DAAM2: variants seen among roughly 807,000 people sequenced by gnomAD.
DAAM2 encodes the protein disheveled-associated activator of morphogenesis 2.
A neutral mutation model predicts 120.7 loss-of-function variants in DAAM2; 39 were observed. That is an observed-to-expected ratio of 0.32 (90% CI 0.25 to 0.42). DAAM2 has a LOEUF of 0.42. DAAM2 is among the 10% of genes least tolerant of loss of function. The pLI is 1.00. For missense variants in DAAM2, 1,283 were observed against 1,401.7 expected, an observed-to-expected ratio of 0.92 and a Z score of 1.35; for synonymous variants, 488 against 524.9, an observed-to-expected ratio of 0.93 and a Z score of 0.96.
chr6:39,812,420 A>T (rs1762190147), intron 1 of DAAM2, among the ~76,000 whole-genome samples: 1 of 152,170 alleles, frequency 6.6e-6, no homozygotes, highest in Non-Finnish European at 1.5e-5. Context: ...TTGCACATCT[A>T]GTTTGTGGCA....
chr6:39,856,315 A>G lies in DAAM2; in HGVS notation c.13A>G (p.Lys5Glu). The change falls in exon 2 of 25, where the codon AAG (lysine) becomes GAG (glutamate). Residue 5 changes from lysine to glutamate, a missense_variant. Physicochemically the swap from Lys to Glu is moderately conservative, Grantham distance 56 (BLOSUM62 1). Transcript: ENST00000274867. ...GCCTGCAGTGACCATGGCCCCCCGC[A>G]AGAGGAGCCACCATGGCCTGGGCTT... MAPR[K>E]RSHHGLGFLC... 1 of 1,540,038 alleles carries G rather than the reference A, an allele frequency of 6.5e-7. No individual in the cohort carries two copies. The highest frequency in any genetic ancestry group is 8.7e-7 in the Non-Finnish European group (1 of 1,143,494).
chr6:39,852,295 A>G (rs1274930526), intron 1 of DAAM2, among the ~76,000 whole-genome samples: 1 of 152,106 alleles, frequency 6.6e-6, no homozygotes, highest in Non-Finnish European at 1.5e-5. Flanking sequence ...TCTTCTAAAG[A>G]GGTTTTGCAG....
intron 1 of DAAM2, among the ~76,000 whole-genome samples, chr6:39,814,191 T>TCTTTC (rs113547707): frequency 1.3e-5 from 2 of 150,432 alleles, no homozygotes; most frequent in South Asian, 2.1e-4. Context: ...TTTCTTTCTT[T>TCTTTC]TTTTTTTTTT....
In DAAM2 at chr6:39,901,805, G is replaced by A. The variant is rs138611904; in HGVS notation, c.2983-8G>A. ...AGAGGGTTCCTATCTTTGGCCCCCC[G>A]CCCGCAGCTGAAGGAGCAGAGGGAA... On this transcript the variant is annotated splice_polypyrimidine_tract_variant and splice_region_variant and intron_variant, in intron 24 of 24. Transcript: ENST00000274867. This position sits in a 1 kb window ranked among gnomAD's most constrained non-coding sequence, Gnocchi z 4.5. 411 of 1,520,640 alleles carry A rather than the reference G, an allele frequency of 2.7e-4. No individual in the cohort carries two copies. The African/African-American group carries it at 3.5e-3, about 13-fold the overall frequency. The allele number at this position is 1,520,640 out of a possible 1,614,324, so 94.2% of individuals were successfully genotyped here.
intron 1 of DAAM2, among the ~76,000 whole-genome samples, chr6:39,844,861 GGACA>G (rs904459892): frequency 6.8e-6 from 1 of 146,666 alleles, no homozygotes; most frequent in Non-Finnish European, 1.5e-5. Flanking sequence ...TTTTGGAGAT[GGACA>G]CATATATGCA....
At chr6:39,900,003 G>T in intron 22 of DAAM2, 74 bp from the exon 23 acceptor site, 1 of 1,490,162 alleles carries the variant, frequency 6.7e-7, no homozygotes. Flanking sequence ...AGTGACGAGG[G>T]GAGATGTGGT....
chr6:39,840,657 T>C (rs1763288890), intron 1 of DAAM2, among the ~76,000 whole-genome samples: 2 of 151,494 alleles, frequency 1.3e-5, no homozygotes, highest in Non-Finnish European at 2.9e-5. Context: ...AGGAAGGAGA[T>C]GGAGGGGAGT....
At chr6:39,842,384 C>T (rs1763378040) in intron 1 of DAAM2, among the ~76,000 whole-genome samples, 1 of 152,162 alleles carries the variant, frequency 6.6e-6, no homozygotes, top group Non-Finnish European at 1.5e-5. Context: ...GTAATCCCAG[C>T]ACTTTGGGAG....
chr6:39,867,988 G>A (rs1764500405), intron 6 of DAAM2, 145 bp downstream of exon 6: 3 of 722,904 alleles, frequency 4.1e-6, no homozygotes, highest in Admixed American at 2.6e-5. Flanking sequence ...GAAGGTAACA[G>A]GTGAAGAGTA....
chr6:39,847,843 ACT>A (rs1763657036), intron 1 of DAAM2, among the ~76,000 whole-genome samples: 1 of 151,544 alleles, frequency 6.6e-6, no homozygotes, highest in African/African-American at 2.4e-5. Context: ...GACCTCACAA[ACT>A]CTCTCCTCTA....
At chr6:39,820,062 C>T (rs991887394) in intron 1 of DAAM2, 4 of 152,350 alleles carry the variant, frequency 2.6e-5, no homozygotes, top group Middle Eastern at 3.4e-3. Context: ...GCCTCCATAG[C>T]AGCACTGACA....
chr6:39,849,250 G>C (rs1481948457), intron 1 of DAAM2, among the ~76,000 whole-genome samples: 2 of 152,204 alleles, frequency 1.3e-5, no homozygotes, highest in East Asian at 3.9e-4. Context: ...GTGCATGACT[G>C]TTCCAGTAAA....
intron 3 of DAAM2, chr6:39,861,662 C>T (rs1052497277): frequency 1.8e-5 from 3 of 162,272 alleles, no homozygotes; most frequent in African/African-American, 7.2e-5. Context: ...GTCTCTACGT[C>T]TCTCTCTTGC....
intron 22 of DAAM2, 92 bp downstream of exon 22, chr6:39,899,029 A>AACAATGGGC (rs3830992): frequency 0.56 from 494,866 of 883,092 alleles, 147,704 homozygotes; most frequent in East Asian, 0.84. Flanking sequence ...AGGGGCAAAA[A>AACAATGGGC]ACAATGGGTA....
chr6:39,865,535 G>A (rs1354012640), intron 5 of DAAM2, among the ~76,000 whole-genome samples: 3 of 152,150 alleles, frequency 2.0e-5, no homozygotes, highest in African/African-American at 7.2e-5. Context: ...CATCTAGAAT[G>A]GGAGCAACGC....
chr6:39,856,611 C>A (rs1764016311), intron 2 of DAAM2, 141 bp downstream of exon 2: 2 of 582,720 alleles, frequency 3.4e-6, no homozygotes, highest in South Asian at 4.2e-5. Context: ...CCCCAGGACA[C>A]CTCAGCTATG....
intron 14 of DAAM2, chr6:39,882,242 C>G (rs188722230): frequency 1.3e-5 from 2 of 152,222 alleles, no homozygotes; most frequent in East Asian, 3.9e-4. Context: ...AACAGACTTA[C>G]CGCTCTCTGG....
chr6:39,794,799 T>A (rs1206235427), intron 1 of DAAM2, among the ~76,000 whole-genome samples: 1 of 152,162 alleles, frequency 6.6e-6, no homozygotes, highest in Non-Finnish European at 1.5e-5. Context: ...AAGATGAGGC[T>A]TTCTTATTTG....
intron 1 of DAAM2, among the ~76,000 whole-genome samples, chr6:39,824,220 G>C (rs1762588449): frequency 6.6e-6 from 1 of 152,158 alleles, no homozygotes; most frequent in African/African-American, 2.4e-5. Flanking sequence ...TTCTGTGCCT[G>C]CTGGGCAGTA....
Sources: allele counts gnomAD v4.1 joint callset (sites outside exome capture counted in the v4.1 genomes callset), GRCh38; gene constraint gnomAD v4.1.1; non-coding constraint Gnocchi (gnomAD v3.1); transcripts MANE v1.5; gene names NCBI Gene and HGNC (gene_info 2026-07-23, HGNC 2026-07-21).